The following TIA1 variants were observed in gnomAD, a reference collection of about 807,000 sequenced individuals.
TIA1 encodes cytotoxic granule associated RNA binding protein TIA1.
A neutral mutation model predicts 65.9 loss-of-function variants in TIA1; 23 were observed. The observed-to-expected ratio is 0.35, with a 90% CI of 0.25 to 0.49. The LOEUF (loss-of-function observed/expected upper bound fraction) is 0.49. Among genes scored for constraint, TIA1 ranks in the 20% least tolerant of loss-of-function variants. TIA1 has a pLI of 0.98. For synonymous variants in TIA1, 147 were observed against 149.4 expected, an observed-to-expected ratio of 0.98 and a Z score of 0.12; for missense variants, 371 against 477.9, an observed-to-expected ratio of 0.78 and a Z score of 2.09.
At chr2:70,247,890 T>A (rs1196395580) in intron 1 of TIA1, among the ~76,000 whole-genome samples, 5 of 149,196 alleles carry the variant, frequency 3.4e-5, no homozygotes, top group African/African-American at 2.5e-5. Context: ...AAGAATAAAG[T>A]TTACTGCACT....
chr2:70,236,082 C>T lies in TIA1; in HGVS notation c.120G>A (p.Met40Ile), dbSNP rs1222594126. The T allele has an allele frequency of 6.3e-7, 1 of 1,577,180 alleles. No homozygotes were observed. The highest frequency in any genetic ancestry group is 1.4e-5 in the African/African-American group (1 of 73,340). The change falls in exon 2 of 13, where the codon ATG becomes ATA. Residue 40 changes from methionine (M) to isoleucine (I), a missense_variant. Physicochemically the swap from Met to Ile is conservative, Grantham distance 10. Coordinates refer to ENST00000433529, the MANE Select transcript of TIA1 (RefSeq NM_022173.4). ...TAACTAAGTAAAATACCCTTACATC[C>T]ATAATCATTTTGCAGTTTTTACAAG... ...IGPCKNCKMIMDTAGNDPYCF... is the reference protein window; with the variant it reads ...IGPCKNCKMIIDTAGNDPYCF...
chr2:70,248,559 C>A lies in TIA1; in HGVS notation c.-129G>T, dbSNP rs1414695908. ...CTGACCAGAGGTTACTCCGCCTCCT[C>A]CTCCGGCGGCAATTACACTAAACCG... On this transcript the variant is annotated 5_prime_UTR_variant, in exon 1 of 13. Transcript: ENST00000433529. The A allele has an allele frequency of 7.1e-7, 1 of 1,402,326 alleles. No individual in the cohort carries two copies. Among genetic ancestry groups the A allele is most frequent in the Admixed American group, 1.9e-5 (1 of 53,536 alleles). The allele number at this position is 1,402,326 out of a possible 1,614,324, so 86.9% of individuals were successfully genotyped here. A position where few individuals can be genotyped will look rare whatever the true frequency, so the allele number is the denominator to read the frequency against.
At position 70,214,592 on chromosome 2, in the gene TIA1, C is replaced by A; in HGVS notation, c.889-98G>T. 1.6e-4 allele frequency: 99 copies of A among 600,340 alleles called. No individual in the cohort carries two copies. The Middle Eastern group carries it at 2.2e-3, about 14-fold the overall frequency. The allele number at this position is 600,340 out of a possible 1,614,324, so 37.2% of individuals were successfully genotyped here. Reference sequence around the variant, plus strand: ...TCTTAGCCAAAACACACAGGGCCATCATTACAATTAAAATGACAGGATAAA... The same window carrying A: ...TCTTAGCCAAAACACACAGGGCCATAATTACAATTAAAATGACAGGATAAA... On this transcript the variant is annotated intron_variant, in intron 11 of 12. Coordinates refer to ENST00000433529, the MANE Select transcript of TIA1 (RefSeq NM_022173.4).
intron 5 of TIA1, among the ~76,000 whole-genome samples, chr2:70,228,105 CTAA>C (rs1286394371): frequency 1.3e-5 from 2 of 152,062 alleles, no homozygotes; most frequent in Admixed American, 1.3e-4. Context: ...AGAAAATAAA[CTAA>C]TAACATACAA....
chr2:70,248,214 A>G (rs1017649465), intron 1 of TIA1, among the ~76,000 whole-genome samples, 191 bp downstream of exon 1: 1 of 152,202 alleles, frequency 6.6e-6, no homozygotes, highest in Non-Finnish European at 1.5e-5. Flanking sequence ...GAGAGGGTTG[A>G]GCCCCGTCTC....
In TIA1 at chr2:70,214,509, T is replaced by G. The variant is rs1406851133; in HGVS notation, c.889-15A>C. 1.3e-6 allele frequency: 2 copies of G among 1,594,778 alleles called. No individual in the cohort carries two copies. Among genetic ancestry groups the G allele is most frequent in the Admixed American group, 1.7e-5 (1 of 57,512 alleles). On this transcript the variant is annotated splice_polypyrimidine_tract_variant and intron_variant, in intron 11 of 12. Transcript: ENST00000433529. ...ATTTGATTCTGCTATTAAATAAAATTTAGTATTACTTGAAGTTAACTATAT... is the reference window on the plus strand; with the variant it reads ...ATTTGATTCTGCTATTAAATAAAATGTAGTATTACTTGAAGTTAACTATAT...
At chr2:70,244,252 T>C (rs1352142918) in intron 1 of TIA1, among the ~76,000 whole-genome samples, 2 of 152,188 alleles carry the variant, frequency 1.3e-5, no homozygotes, top group Non-Finnish European at 2.9e-5. Context: ...AAGGATGACC[T>C]TCCTTTATTA....
intron 5 of TIA1, 84 bp from the exon 6 acceptor site, chr2:70,227,906 T>C: frequency 3.5e-6 from 3 of 868,810 alleles, no homozygotes; most frequent in Non-Finnish European, 5.5e-6. Flanking sequence ...AATAAAGTAT[T>C]CTTAAAATGA....
chr2:70,230,202 C>T (rs1203934020), intron 3 of TIA1, among the ~76,000 whole-genome samples: 2 of 148,768 alleles, frequency 1.3e-5, no homozygotes, highest in Non-Finnish European at 3.0e-5. Context: ...GAGATCGCGC[C>T]GCTGCACTCC....
At chr2:70,240,283 A>G (rs1190487919) in intron 1 of TIA1, among the ~76,000 whole-genome samples, 2 of 152,314 alleles carry the variant, frequency 1.3e-5, no homozygotes, top group East Asian at 3.9e-4. Flanking sequence ...AAAAAGTCTA[A>G]CCTAAATCTA....
intron 6 of TIA1, chr2:70,225,362 C>T: frequency 1.6e-6 from 2 of 1,287,950 alleles, no homozygotes; most frequent in Non-Finnish European, 2.0e-6. Context: ...TGTAGTTAGC[C>T]AGGGCAATTC....
At chr2:70,231,157 C>T (rs972943602) in intron 2 of TIA1, among the ~76,000 whole-genome samples, 1 of 152,012 alleles carries the variant, frequency 6.6e-6, no homozygotes, top group Non-Finnish European at 1.5e-5. Flanking sequence ...CAAAAATTAA[C>T]CAGGCATGGT....
At chr2:70,242,522 G>T in intron 1 of TIA1, among the ~76,000 whole-genome samples, 1 of 83,062 alleles carries the variant, frequency 1.2e-5, no homozygotes, top group African/African-American at 5.2e-5. Flanking sequence ...AAAAAAAAAA[G>T]GCAGAATTTG....
chr2:70,243,259 C>T (rs547368155), intron 1 of TIA1, among the ~76,000 whole-genome samples: 2 of 152,182 alleles, frequency 1.3e-5, no homozygotes, highest in Admixed American at 6.5e-5. Flanking sequence ...GATCGCTTCT[C>T]TACAAATATT....
chr2:70,244,412 G>A (rs1423477264), intron 1 of TIA1, among the ~76,000 whole-genome samples: 3 of 152,012 alleles, frequency 2.0e-5, no homozygotes, highest in Non-Finnish European at 4.4e-5. Context: ...CCCAGAAGAC[G>A]GACAGCCATG....
chr2:70,215,574 G>C (rs752486333), intron 10 of TIA1, 80 bp from the exon 11 acceptor site: 83 of 1,337,704 alleles, frequency 6.2e-5, no homozygotes, highest in Non-Finnish European at 8.1e-5. Flanking sequence ...AAAAATCAAG[G>C]TGAGTCTGAG....
intron 12 of TIA1, 88 bp from the exon 13 acceptor site, chr2:70,212,933 A>C: frequency 1.3e-6 from 1 of 794,026 alleles, no homozygotes; most frequent in Non-Finnish European, 2.2e-6. Context: ...AAGAACAAAT[A>C]TGGGAAATGG....
chr2:70,214,645 A>C (rs534974083), intron 11 of TIA1, 151 bp from the exon 12 acceptor site: 28 of 589,770 alleles, frequency 4.7e-5, no homozygotes, highest in South Asian at 1.7e-4. Flanking sequence ...AAAAAAAAAA[A>C]AAAAAAAAAA....
intron 1 of TIA1, among the ~76,000 whole-genome samples, chr2:70,247,984 C>G (rs1695186418): frequency 6.7e-6 from 1 of 149,914 alleles, no homozygotes; most frequent in African/African-American, 2.5e-5. Flanking sequence ...AGTAGGAAAT[C>G]AAAAGTAAAA....
Sources: allele counts gnomAD v4.1 joint callset (sites outside exome capture counted in the v4.1 genomes callset), GRCh38; gene constraint gnomAD v4.1.1; transcripts MANE v1.5; gene names NCBI Gene and HGNC (gene_info 2026-07-23, HGNC 2026-07-21).